RBM20: variants seen among roughly 807,000 people sequenced by gnomAD.
The protein encoded by RBM20 is RNA binding motif protein 20.
In RBM20, 51 loss-of-function variants were observed where a neutral mutation model predicts 110.1. That is an observed-to-expected ratio of 0.46 (90% CI 0.37 to 0.59). RBM20 has a LOEUF of 0.59. RBM20 is among the 20% of genes least tolerant of loss of function. RBM20 has a pLI of 0.00. For synonymous variants in RBM20, 589 were observed against 618.2 expected (o/e 0.95, Z 0.70); for missense variants, 1,512 against 1,574.9 (o/e 0.96, Z 0.68).
chr10:110,825,874 A>C (rs1247846753), intron 12 of RBM20, among the ~76,000 whole-genome samples: 4 of 152,224 alleles, frequency 2.6e-5, no homozygotes, highest in African/African-American at 9.6e-5. Context: ...ACAGATAAAA[A>C]ATCTGAAATG....
chr10:110,718,298 A>G (rs776049344), intron 1 of RBM20, among the ~76,000 whole-genome samples: 3 of 152,244 alleles, frequency 2.0e-5, no homozygotes, highest in African/African-American at 4.8e-5. Context: ...ATATAAATTC[A>G]TAATTACAGA....
In RBM20 at chr10:110,812,370, C is replaced by T. The variant is rs397516598; in HGVS notation, c.1973C>T (p.Ser658Phe). The T allele has an allele frequency of 6.4e-7, 1 of 1,551,702 alleles. No homozygotes were observed. Among genetic ancestry groups the T allele is most frequent in the Admixed American group, 2.0e-5 (1 of 51,016 alleles). ...CCCAGCTTCACCTCCTGCAGCTCTT[C>T]CCACAGCCCTCCGGGCCCCTCCCGG... ...HTPSFTSCSS[S>F]HSPPGPSRAD... Residue 658 changes from serine to phenylalanine, a missense_variant, in exon 9 of 14, where the codon TCC (serine) becomes TTC (phenylalanine). Ser to Phe is a radical substitution (Grantham distance 155, BLOSUM62 -2). Around this residue, in one of 3 missense-constraint regions of RBM20, gnomAD observed 1,149 missense variants for 1,169.4 expected, o/e 0.98. Coordinates refer to ENST00000369519, the MANE Select transcript of RBM20 (RefSeq NM_001134363.3).
Position 110,820,243 on chromosome 10 carries a change from C to T in RBM20, c.2655+67C>T, listed in dbSNP as rs1844891242. 23 of 1,064,748 alleles carry T rather than the reference C, an allele frequency of 2.2e-5. No homozygotes were observed. The East Asian group carries it at 5.4e-4, about 25-fold the overall frequency. The allele number at this position is 1,064,748 out of a possible 1,614,324, so 66.0% of individuals were successfully genotyped here. ...TGAGTCACAGGAGTCCCCCTTTTGC[C>T]TGGTGATGTCCTGCTGGATGGAATA... On this transcript the variant is annotated intron_variant, in intron 10 of 13. Transcript: ENST00000369519.
Position 110,795,245 on chromosome 10 carries a change from C to T in RBM20, c.1528-2263C>T, listed in dbSNP as rs184365355. On this transcript the variant is annotated intron_variant, in intron 5 of 13. Coordinates refer to ENST00000369519, the MANE Select transcript of RBM20 (RefSeq NM_001134363.3). ...CTAATGGGAGGCAAAGATTCTGCTTCTTAATAGCACTCCTCCTTTCGTTTC... is the reference window on the plus strand; with the variant it reads ...CTAATGGGAGGCAAAGATTCTGCTTTTTAATAGCACTCCTCCTTTCGTTTC... Among the ~76,000 whole-genome samples, 891 of 152,364 alleles carry T rather than the reference C, an allele frequency of 5.8e-3. 5 individuals carry two copies. The highest frequency in any genetic ancestry group is 8.5e-3 in the Non-Finnish European group (579 of 68,040).
intron 3 of RBM20, 27 bp downstream of exon 3, chr10:110,783,454 C>T (rs1483327355): frequency 6.6e-7 from 1 of 1,516,760 alleles, no homozygotes; most frequent in Non-Finnish European, 9.0e-7. Flanking sequence ...AGGACAGGCT[C>T]ATGCGTAGGC....
At chr10:110,643,738 G>A (rs943426401), upstream of RBM20, among the ~76,000 whole-genome samples, 8 of 152,214 alleles carry the variant, frequency 5.3e-5, no homozygotes. Flanking sequence ...GGAGAGCCCC[G>A]GGGATGGTCA....
chr10:110,687,617 T>C (rs1419165857), intron 1 of RBM20, among the ~76,000 whole-genome samples: 2 of 152,210 alleles, frequency 1.3e-5, no homozygotes, highest in Non-Finnish European at 2.9e-5. Flanking sequence ...GAAACAGAAA[T>C]CTCGTGATTT....
intron 1 of RBM20, among the ~76,000 whole-genome samples, chr10:110,756,134 T>C (rs771494107): frequency 7.2e-5 from 11 of 152,246 alleles, no homozygotes; most frequent in Non-Finnish European, 1.2e-4. Flanking sequence ...TGGGCTCCCC[T>C]CAACATCACG....
chr10:110,670,489 T>G (rs1023870537), intron 1 of RBM20, among the ~76,000 whole-genome samples: 5 of 152,214 alleles, frequency 3.3e-5, no homozygotes, highest in African/African-American at 1.2e-4. Context: ...TGGCTTCTGC[T>G]TCTTTCACCA....
At chr10:110,693,696 A>G (rs992051938) in intron 1 of RBM20, among the ~76,000 whole-genome samples, 3 of 152,202 alleles carry the variant, frequency 2.0e-5, no homozygotes, top group African/African-American at 7.2e-5. Context: ...GTTAATGTGT[A>G]TTCAATTTTT....
At chr10:110,706,419 C>G (rs570256702) in intron 1 of RBM20, among the ~76,000 whole-genome samples, 1 of 152,358 alleles carries the variant, frequency 6.6e-6, no homozygotes, top group South Asian at 2.1e-4. Flanking sequence ...AGCCCTGGAC[C>G]TTGAGGTTGG....
At chr10:110,702,426 G>A (rs1054571660) in intron 1 of RBM20, among the ~76,000 whole-genome samples, 2 of 152,160 alleles carry the variant, frequency 1.3e-5, no homozygotes, top group East Asian at 1.9e-4. Context: ...GTCCCAGCTA[G>A]TCTGGAGGCT....
chr10:110,797,526 G>A lies in RBM20; in HGVS notation c.1546G>A (p.Ala516Thr). ...VGTTFAQRKG[A>T]GRVVHICNLP... is the part of the protein sequence containing the mutation. ...CCATTAGTTTGCACAGCGGAAAGGG[G>A]CTGGCCGTGTGGTGCACATCTGCAA... Residue 516 changes from alanine (A) to threonine (T), a missense_variant, in exon 6 of 14, where the codon GCT (alanine) becomes ACT (threonine). Around this residue, in one of 3 missense-constraint regions of RBM20, gnomAD observed 1,149 missense variants for 1,169.4 expected, o/e 0.98. Coordinates refer to ENST00000369519, the MANE Select transcript of RBM20 (RefSeq NM_001134363.3). 6.4e-7 allele frequency: 1 copy of A among 1,551,360 alleles called. No homozygotes were observed. The highest frequency in any genetic ancestry group is 2.0e-5 in the Admixed American group (1 of 50,990).
At chr10:110,796,697 G>C (rs960911359) in intron 5 of RBM20, among the ~76,000 whole-genome samples, 1 of 152,184 alleles carries the variant, frequency 6.6e-6, no homozygotes, top group African/African-American at 2.4e-5. Context: ...AGGCTGCAGT[G>C]AGCTATGATT....
intron 1 of RBM20, among the ~76,000 whole-genome samples, chr10:110,708,052 A>G (rs1188987974): frequency 1.3e-5 from 2 of 152,218 alleles, no homozygotes; most frequent in African/African-American, 4.8e-5. Flanking sequence ...AAGAAAACAT[A>G]TGAAGTAAAC....
chr10:110,818,711 G>A (rs1279612718), intron 9 of RBM20, among the ~76,000 whole-genome samples: 3 of 152,250 alleles, frequency 2.0e-5, no homozygotes, highest in African/African-American at 4.8e-5. Flanking sequence ...GAACTGAAGG[G>A]GGTCCCTTTA....
At chr10:110,707,164 G>C (rs1264155070) in intron 1 of RBM20, among the ~76,000 whole-genome samples, 1 of 152,158 alleles carries the variant, frequency 6.6e-6, no homozygotes, top group Admixed American at 6.5e-5. Context: ...TGGCTATAGG[G>C]AATATTGGGA....
intron 1 of RBM20, among the ~76,000 whole-genome samples, chr10:110,650,051 C>T (rs1399229392): frequency 1.3e-5 from 2 of 152,158 alleles, no homozygotes; most frequent in African/African-American, 4.8e-5. Context: ...TTAAATTCCA[C>T]CCAACTAAAG....
intron 1 of RBM20, among the ~76,000 whole-genome samples, chr10:110,720,387 G>A (rs977151497): frequency 6.6e-6 from 1 of 152,128 alleles, no homozygotes; most frequent in African/African-American, 2.4e-5. Flanking sequence ...TTGCTCTCCT[G>A]GAAAGTGACA....
Sources: gnomAD v4.1 joint callset for allele counts (sites outside exome capture counted in the v4.1 genomes callset) on GRCh38, gnomAD v4.1.1 for gene constraint, gnomAD v4.1.1 regional missense constraint, MANE v1.5 for transcripts, NCBI Gene and HGNC (gene_info 2026-07-23, HGNC 2026-07-21) for gene names.